The following OXR1 variants were observed in gnomAD, a reference collection of about 807,000 sequenced individuals.
The protein encoded by OXR1 is oxidation resistance 1.
In OXR1, 41 loss-of-function variants were observed where a neutral mutation model predicts 104.6. The ratio of observed to expected loss-of-function variants is 0.39; its 90% CI spans 0.31 to 0.51. OXR1 has a LOEUF of 0.51. OXR1 is among the 20% of genes least tolerant of loss of function. OXR1 has a pLI of 0.77. For missense variants in OXR1, 955 were observed against 1,031.9 expected (o/e 0.93, Z 1.02); for synonymous variants, 348 against 348.4 (o/e 1.00, Z 0.01).
At position 106,715,446 on chromosome 8, in the gene OXR1, A is replaced by AT. The variant is rs1054387051; in HGVS notation, c.1956+1462dup. Reference sequence around the variant, plus strand: ...TATAATATATATATGTATCTTATATATATATATATTATATACATCTATGTC... The same window carrying AT: ...TATAATATATATATGTATCTTATATATTATATATATTATATACATCTATGTC... On this transcript the variant is annotated intron_variant, in intron 11 of 16. Transcript: ENST00000517566. Among the ~76,000 whole-genome samples the AT allele has an allele frequency of 1.9e-3, 282 of 148,158 alleles. 1 individual carries two copies. In the Middle Eastern group the frequency reaches 0.046, roughly 24 times the overall value.
rs185235789 is a variant in OXR1 at position 106,516,873 on chromosome 8, C to G, written c.24-2070C>G. ...TATTATTGTTAATCTCTTACTGTGC[C>G]TAATTTATAAATTAAACTTTATCAT... On this transcript the variant is annotated intron_variant, in intron 2 of 16. Coordinates refer to ENST00000517566, the MANE Select transcript of OXR1 (RefSeq NM_001198533.2). Among the ~76,000 whole-genome samples the G allele has an allele frequency of 3.9e-4, 60 of 151,970 alleles. No individual in the cohort carries two copies. In the South Asian group the frequency reaches 8.3e-3, roughly 21 times the overall value.
At chr8:106,746,849 G>C (rs567658557) in intron 16 of OXR1, among the ~76,000 whole-genome samples, 1 of 152,174 alleles carries the variant, frequency 6.6e-6, no homozygotes, top group South Asian at 2.1e-4. Context: ...GATTCTGTTA[G>C]CTCTCCAACA....
At chr8:106,363,912 C>T (rs930682870) in intron 2 of OXR1, among the ~76,000 whole-genome samples, 8 of 151,934 alleles carry the variant, frequency 5.3e-5, no homozygotes, top group East Asian at 1.9e-4. Flanking sequence ...AACGTTTCTG[C>T]GAAAGAGACT....
chr8:106,475,126 G>A (rs970621537), intron 2 of OXR1, among the ~76,000 whole-genome samples: 1 of 151,872 alleles, frequency 6.6e-6, no homozygotes, highest in Non-Finnish European at 1.5e-5. Flanking sequence ...GGAGTTAGCG[G>A]TGCCAATCTC....
chr8:106,458,831 G>C (rs1820750277), intron 2 of OXR1, among the ~76,000 whole-genome samples: 1 of 152,074 alleles, frequency 6.6e-6, no homozygotes, highest in Non-Finnish European at 1.5e-5. Flanking sequence ...CTTTCTTCTT[G>C]CTTAGTCCTC....
intron 1 of OXR1, among the ~76,000 whole-genome samples, chr8:106,329,448 C>T (rs1433427315): frequency 6.8e-6 from 1 of 147,510 alleles, no homozygotes; most frequent in Non-Finnish European, 1.5e-5. Flanking sequence ...CCCGGGTTCA[C>T]GCCATTCTCC....
At chr8:106,681,760 A>AGT (rs1828175974) in intron 4 of OXR1, among the ~76,000 whole-genome samples, 1 of 152,092 alleles carries the variant, frequency 6.6e-6, no homozygotes. Flanking sequence ...CCTGGGCTCA[A>AGT]GTGATCCACC....
rs553732697 is a variant in OXR1 at position 106,649,897 on chromosome 8, T to C, written c.221-29313T>C. Reference sequence around the variant, plus strand: ...ATTTTTAGTAGAGACAGGGTTTCACTGTGTTAGCCAGAATGGTCTCGACCT... The same window carrying C: ...ATTTTTAGTAGAGACAGGGTTTCACCGTGTTAGCCAGAATGGTCTCGACCT... On this transcript the variant is annotated intron_variant, in intron 3 of 16. Coordinates refer to ENST00000517566, the MANE Select transcript of OXR1 (RefSeq NM_001198533.2). Among the ~76,000 whole-genome samples, 23 of 152,196 alleles carry C rather than the reference T, an allele frequency of 1.5e-4. No homozygotes were observed. The East Asian group carries it at 1.9e-3, about 13-fold the overall frequency.
chr8:106,335,574 A>G (rs1240253479), intron 1 of OXR1, among the ~76,000 whole-genome samples: 3 of 151,970 alleles, frequency 2.0e-5, no homozygotes. Context: ...CTTTCAGCCC[A>G]TTCTATCTGC....
intron 3 of OXR1, among the ~76,000 whole-genome samples, chr8:106,636,329 A>C (rs1427599857): frequency 7.1e-6 from 1 of 141,428 alleles, no homozygotes; most frequent in Non-Finnish European, 1.5e-5. Flanking sequence ...TTTTTTTTTT[A>C]TTTCTGGACA....
chr8:106,624,407 T>C (rs1821979427), intron 3 of OXR1, among the ~76,000 whole-genome samples: 1 of 152,082 alleles, frequency 6.6e-6, no homozygotes, highest in African/African-American at 2.4e-5. Flanking sequence ...TCATTAGAAT[T>C]GAAACCCAAA....
intron 3 of OXR1, among the ~76,000 whole-genome samples, chr8:106,599,200 T>C (rs1466263425): frequency 6.6e-6 from 1 of 152,200 alleles, no homozygotes. Context: ...TATTTATTAC[T>C]GAAAGATGAA....
At chr8:106,697,841 C>T in intron 7 of OXR1, 1 of 1,612,500 alleles carries the variant, frequency 6.2e-7, no homozygotes, top group Admixed American at 1.7e-5. Context: ...ACCGTGCCAT[C>T]CTTGAGCCAG....
rs528603138 is a variant in OXR1, at chr8:106,618,244, G to A, written c.221-60966G>A. On this transcript the variant is annotated intron_variant, in intron 3 of 16. Transcript: ENST00000517566. ...GTTATTTTGGAAAGTCAGATACAGC[G>A]GACATTAAAGGGCACACTTTATGTT... 461 of 1,245,356 alleles carry A rather than the reference G, an allele frequency of 3.7e-4. 1 individual carries two copies. Among genetic ancestry groups the A allele is most frequent in the African/African-American group, 3.0e-3 (201 of 67,476 alleles). 77.1% of individuals were successfully genotyped at this position (1,245,356 alleles called of 1,614,324 possible). A position where few individuals can be genotyped will look rare whatever the true frequency, so the allele number is the denominator to read the frequency against.
chr8:106,442,816 A>G (rs1355691119), intron 2 of OXR1, among the ~76,000 whole-genome samples: 1 of 151,902 alleles, frequency 6.6e-6, no homozygotes, highest in East Asian at 1.9e-4. Flanking sequence ...CTTCCCTCTT[A>G]GTCTAGCTAT....
chr8:106,390,041 G>C (rs1817532709), intron 2 of OXR1, among the ~76,000 whole-genome samples: 2 of 152,080 alleles, frequency 1.3e-5, no homozygotes, highest in Non-Finnish European at 2.9e-5. Flanking sequence ...ACTCCAGCCA[G>C]GGTGACAGGG....
At chr8:106,628,248 G>A (rs759647837) in intron 3 of OXR1, among the ~76,000 whole-genome samples, 48 of 152,186 alleles carry the variant, frequency 3.2e-4, no homozygotes, top group East Asian at 3.9e-4. Context: ...GCAAGGGTTC[G>A]ATGATAAAAT....
At position 106,508,276 on chromosome 8, in the gene OXR1, G is replaced by A. The variant is rs186373604; in HGVS notation, c.24-10667G>A. Among the ~76,000 whole-genome samples the A allele has an allele frequency of 1.2e-4, 19 of 152,286 alleles. No individual in the cohort carries two copies. In the East Asian group the frequency reaches 3.3e-3, roughly 26 times the overall value. Reference sequence around the variant, plus strand: ...TAGAAAGAAAAGTTTTAAAATAATGGGGAAAGATAATGTTTATAGAGTCAC... The same window carrying A: ...TAGAAAGAAAAGTTTTAAAATAATGAGGAAAGATAATGTTTATAGAGTCAC... On this transcript the variant is annotated intron_variant, in intron 2 of 16. Transcript: ENST00000517566.
At chr8:106,326,629 A>G (rs998960051) in intron 1 of OXR1, among the ~76,000 whole-genome samples, 3 of 152,216 alleles carry the variant, frequency 2.0e-5, no homozygotes, top group Non-Finnish European at 4.4e-5. Context: ...TGACACTAGA[A>G]CAAATTCTTG....
Sources: allele counts gnomAD v4.1 joint callset (sites outside exome capture counted in the v4.1 genomes callset), GRCh38; gene constraint gnomAD v4.1.1; transcripts MANE v1.5; gene names NCBI Gene and HGNC (gene_info 2026-07-23, HGNC 2026-07-21).